ARHGAP24: variants seen among roughly 807,000 people sequenced by gnomAD.
ARHGAP24 encodes the protein Rho GTPase activating protein 24.
A neutral mutation model predicts 76.4 loss-of-function variants in ARHGAP24; 50 were observed. The observed-to-expected ratio is 0.65, with a 90% CI of 0.52 to 0.83. ARHGAP24 has a LOEUF of 0.83. ARHGAP24 is among the 40% of genes least tolerant of loss of function. The pLI is 0.00. For missense variants in ARHGAP24, 930 were observed against 914.2 expected (o/e 1.02, Z -0.22); for synonymous variants, 345 against 323.3 (o/e 1.07, Z -0.72).
At chr4:85,972,000 A>T in intron 5 of ARHGAP24, 36 bp from the exon 6 acceptor site, 1 of 1,613,774 alleles carries the variant, frequency 6.2e-7, no homozygotes, top group Non-Finnish European at 8.5e-7. Flanking sequence ...TATGAAGTTT[A>T]CTCCAAAGAA....
chr4:85,829,807 G>A (rs979594023), intron 3 of ARHGAP24, among the ~76,000 whole-genome samples: 1 of 152,180 alleles, frequency 6.6e-6, no homozygotes, highest in Non-Finnish European at 1.5e-5. Flanking sequence ...TGGCATCCAT[G>A]TGAACCCATG....
intron 1 of ARHGAP24, among the ~76,000 whole-genome samples, chr4:85,485,881 C>T (rs1165895779): frequency 6.6e-6 from 1 of 151,794 alleles, no homozygotes; most frequent in Non-Finnish European, 1.5e-5. Flanking sequence ...TACAGGCATG[C>T]GCCACCATGC....
In ARHGAP24 at chr4:85,664,248, A is replaced by G. The variant is rs539312544; in HGVS notation, c.181-57637A>G. On this transcript the variant is annotated intron_variant, in intron 2 of 9. Transcript: ENST00000395184. Reference sequence around the variant, plus strand: ...TCCTGGTTTAGTCTTGGGAGAGTGTATGTGTCGAGGAATTTATCCATTTCT... The same window carrying G: ...TCCTGGTTTAGTCTTGGGAGAGTGTGTGTGTCGAGGAATTTATCCATTTCT... Among the ~76,000 whole-genome samples the G allele has an allele frequency of 1.2e-3, 175 of 151,186 alleles. 5 individuals carry two copies. Among genetic ancestry groups the G allele is most frequent in the African/African-American group, 4.1e-3 (166 of 40,524 alleles).
chr4:85,745,061 G>A (rs945869893), intron 3 of ARHGAP24, among the ~76,000 whole-genome samples: 6 of 151,966 alleles, frequency 3.9e-5, no homozygotes, highest in African/African-American at 1.2e-4. Context: ...TTAAAGCAAG[G>A]TGCTTTCATC....
rs536439019 is a variant in ARHGAP24, at chr4:85,492,632, T to G, written c.-21+17073T>G. On this transcript the variant is annotated intron_variant, in intron 1 of 9. Coordinates refer to ENST00000395184, the MANE Select transcript of ARHGAP24 (RefSeq NM_001025616.3). ...ATTTCATGTTACAAATGATACTTATTGCTACTGAGATTTACTATCAAAGAG... is the reference window on the plus strand; with the variant it reads ...ATTTCATGTTACAAATGATACTTATGGCTACTGAGATTTACTATCAAAGAG... 1.1e-4 allele frequency among the ~76,000 whole-genome samples: 16 copies of G among 152,328 alleles called. No homozygotes were observed. In the South Asian group the frequency reaches 3.3e-3, roughly 32 times the overall value.
At chr4:85,682,973 G>A (rs1723263271) in intron 2 of ARHGAP24, among the ~76,000 whole-genome samples, 1 of 151,848 alleles carries the variant, frequency 6.6e-6, no homozygotes, top group South Asian at 2.1e-4. Flanking sequence ...TTTTGACTTT[G>A]CCTGGTACAT....
chr4:85,879,441 G>A (rs1256753413), intron 3 of ARHGAP24, among the ~76,000 whole-genome samples: 1 of 152,058 alleles, frequency 6.6e-6, no homozygotes. Flanking sequence ...GATGAATTAT[G>A]CTTTTTTATC....
chr4:85,875,132 ATATT>A (rs1732814784), intron 3 of ARHGAP24, among the ~76,000 whole-genome samples: 3 of 41,542 alleles, frequency 7.2e-5, no homozygotes, highest in African/African-American at 3.2e-4. Flanking sequence ...TTTATCTTAT[ATATT>A]ATATTATATA....
At chr4:85,642,615 C>T (rs1459430460) in intron 2 of ARHGAP24, among the ~76,000 whole-genome samples, 2 of 152,050 alleles carry the variant, frequency 1.3e-5, no homozygotes, top group Non-Finnish European at 2.9e-5. Flanking sequence ...AAATAAAAAC[C>T]TTGCAGGCTC....
chr4:85,949,193 A>G (rs1384600656), intron 5 of ARHGAP24, among the ~76,000 whole-genome samples: 1 of 152,138 alleles, frequency 6.6e-6, no homozygotes, highest in African/African-American at 2.4e-5. Context: ...TCTTACTAAT[A>G]GTTTCCTCAC....
intron 1 of ARHGAP24, among the ~76,000 whole-genome samples, chr4:85,528,416 T>C (rs1725109820): frequency 6.6e-6 from 1 of 152,062 alleles, no homozygotes; most frequent in African/African-American, 2.4e-5. Context: ...TATGAGTAGG[T>C]ATGTACACAC....
At chr4:85,890,741 T>C (rs1733841552) in intron 3 of ARHGAP24, among the ~76,000 whole-genome samples, 1 of 152,190 alleles carries the variant, frequency 6.6e-6, no homozygotes, top group East Asian at 1.9e-4. Context: ...AGCTAGACTG[T>C]TAAGGGCTTT....
intron 1 of ARHGAP24, among the ~76,000 whole-genome samples, chr4:85,500,975 G>A (rs909335536): frequency 4.0e-4 from 61 of 151,856 alleles, no homozygotes; most frequent in African/African-American, 1.4e-3. Flanking sequence ...GCGGTGTTTG[G>A]TTTTCTGTCT....
At chr4:85,643,233 TG>T (rs1721591971) in intron 2 of ARHGAP24, among the ~76,000 whole-genome samples, 1 of 69,740 alleles carries the variant, frequency 1.4e-5, no homozygotes, top group African/African-American at 6.1e-5. Context: ...CGTTTTTTTG[TG>T]TTTTTTTTTT....
intron 2 of ARHGAP24, among the ~76,000 whole-genome samples, chr4:85,647,983 C>T (rs1721786345): frequency 6.6e-6 from 1 of 152,098 alleles, no homozygotes; most frequent in South Asian, 2.1e-4. Context: ...TACCAGCAAT[C>T]CTTAGAAAAA....
intron 4 of ARHGAP24, among the ~76,000 whole-genome samples, chr4:85,933,849 A>AT (rs1279802884): frequency 1.3e-5 from 2 of 151,850 alleles, no homozygotes; most frequent in African/African-American, 2.4e-5. Context: ...CTCTATCTTG[A>AT]TTTTTTCGTG....
At chr4:85,905,442 T>A (rs1200185312) in intron 3 of ARHGAP24, among the ~76,000 whole-genome samples, 1 of 152,218 alleles carries the variant, frequency 6.6e-6, no homozygotes, top group Non-Finnish European at 1.5e-5. Flanking sequence ...ATATGAATAT[T>A]CACACCATAT....
At chr4:85,559,379 A>G (rs1057078411) in intron 1 of ARHGAP24, among the ~76,000 whole-genome samples, 1 of 152,238 alleles carries the variant, frequency 6.6e-6, no homozygotes, top group Non-Finnish European at 1.5e-5. Flanking sequence ...ACAAATTAAC[A>G]TAAACATTAC....
chr4:85,975,026 G>A, intron 7 of ARHGAP24, 65 bp downstream of exon 7: 1 of 1,410,206 alleles, frequency 7.1e-7, no homozygotes, highest in South Asian at 1.2e-5. Flanking sequence ...ACTAATTTGT[G>A]TTTGACAACG....
Sources: allele counts gnomAD v4.1 joint callset (sites outside exome capture counted in the v4.1 genomes callset), GRCh38; gene constraint gnomAD v4.1.1; transcripts MANE v1.5; gene names NCBI Gene and HGNC (gene_info 2026-07-23, HGNC 2026-07-21).